The following GRAMD1B variants were observed in gnomAD, a reference collection of about 807,000 sequenced individuals.
GRAMD1B encodes protein Aster-B.
GRAMD1B carries 37 observed loss-of-function variants against 99.7 expected under a neutral mutation model. The ratio of observed to expected loss-of-function variants is 0.37; its 90% confidence interval spans 0.29 to 0.49. The LOEUF is 0.49. Ranked by LOEUF, GRAMD1B falls within the 20% of genes least tolerant of loss-of-function variation. The probability of loss-of-function intolerance (pLI) is 0.98; values close to 1 mark genes in which losing one functional copy is unlikely to be tolerated. For synonymous variants in GRAMD1B, 427 were observed against 387.6 expected, an observed-to-expected ratio of 1.10 and a Z score of -1.19; for missense variants, 888 against 1,009.2, an observed-to-expected ratio of 0.88 and a Z score of 1.63.
chr11:123,613,896 A>G (rs186893389), intron 16 of GRAMD1B, among the ~76,000 whole-genome samples: 2 of 152,322 alleles, frequency 1.3e-5, no homozygotes, highest in African/African-American at 4.8e-5. Context: ...CTTAGTGTTT[A>G]TGCTTTCGTG....
chr11:123,583,250 T>A (rs1350870955), intron 3 of GRAMD1B, among the ~76,000 whole-genome samples: 1 of 150,812 alleles, frequency 6.6e-6, no homozygotes, highest in South Asian at 2.1e-4. Context: ...TCTGTGTGAA[T>A]GTGTGTGCAC....
At chr11:123,420,970 T>C (rs1164347111) in intron 1 of GRAMD1B, among the ~76,000 whole-genome samples, 3 of 152,252 alleles carry the variant, frequency 2.0e-5, no homozygotes, top group Non-Finnish European at 4.4e-5. Flanking sequence ...TTCTAATCTA[T>C]ACCTGACTGA....
At chr11:123,456,737 T>C (rs571008385) in intron 1 of GRAMD1B, among the ~76,000 whole-genome samples, 75 of 151,860 alleles carry the variant, frequency 4.9e-4, no homozygotes, top group African/African-American at 1.7e-3. Flanking sequence ...CTGGTCAAAA[T>C]GATGAAACTC....
At chr11:123,619,480 G>A in intron 19 of GRAMD1B, 1 of 1,272,440 alleles carries the variant, frequency 7.9e-7, no homozygotes, top group Non-Finnish European at 1.0e-6. Flanking sequence ...AGTTTAGGTG[G>A]AAGGAGAACT....
chr11:123,599,201 GA>G (rs1951652380), intron 7 of GRAMD1B: 2 of 766,712 alleles, frequency 2.6e-6, no homozygotes, highest in Non-Finnish European at 4.9e-6. Context: ...GTCTGTTACA[GA>G]AATCAGAAAA....
At chr11:123,546,165 A>G (rs914730140) in intron 2 of GRAMD1B, among the ~76,000 whole-genome samples, 12 of 152,290 alleles carry the variant, frequency 7.9e-5, no homozygotes, top group Non-Finnish European at 1.6e-4. Flanking sequence ...CCCACGCCCA[A>G]ATTGGTCCCC....
At chr11:123,401,183 G>C (rs188661681) in intron 1 of GRAMD1B, among the ~76,000 whole-genome samples, 2 of 152,346 alleles carry the variant, frequency 1.3e-5, no homozygotes, top group African/African-American at 2.4e-5. Flanking sequence ...TGATGAAATT[G>C]TTTCAACAGT....
At chr11:123,574,195 T>C (rs763214626) in intron 2 of GRAMD1B, among the ~76,000 whole-genome samples, 1 of 151,966 alleles carries the variant, frequency 6.6e-6, no homozygotes, top group South Asian at 2.1e-4. Flanking sequence ...AAAGAGCATG[T>C]ATATTAAGGG....
intron 4 of GRAMD1B, among the ~76,000 whole-genome samples, chr11:123,592,960 G>A (rs377264735): frequency 3.3e-5 from 5 of 151,596 alleles, no homozygotes; most frequent in Non-Finnish European, 7.4e-5. Flanking sequence ...GGTCGGGCGC[G>A]GTGGCTCACT....
At chr11:123,413,835 G>A (rs193095046) in intron 1 of GRAMD1B, among the ~76,000 whole-genome samples, 1 of 152,176 alleles carries the variant, frequency 6.6e-6, no homozygotes, top group African/African-American at 2.4e-5. Context: ...TAGCCCTTGC[G>A]CAAGAATGAC....
chr11:123,576,665 G>A (rs1344233936), intron 2 of GRAMD1B, among the ~76,000 whole-genome samples: 1 of 152,220 alleles, frequency 6.6e-6, no homozygotes, highest in Non-Finnish European at 1.5e-5. Context: ...AACTTCGGCT[G>A]TGTGCATCTT....
At chr11:123,595,141 G>A (rs1209450223) in intron 6 of GRAMD1B, among the ~76,000 whole-genome samples, 12 of 152,146 alleles carry the variant, frequency 7.9e-5, no homozygotes, top group Non-Finnish European at 1.5e-4. Context: ...CAAGTAGAAA[G>A]GGCTTTGGCC....
At chr11:123,599,630 G>T (rs1449838302) in intron 7 of GRAMD1B, among the ~76,000 whole-genome samples, 2 of 152,116 alleles carry the variant, frequency 1.3e-5, no homozygotes, top group African/African-American at 4.8e-5. Context: ...TCACCACCAC[G>T]CCTGGCTAAT....
intron 7 of GRAMD1B, 28 bp downstream of exon 7, chr11:123,596,065 T>C (rs1447704160): frequency 1.7e-6 from 2 of 1,194,122 alleles, no homozygotes; most frequent in Non-Finnish European, 2.5e-6. Flanking sequence ...CTGGCCTTTC[T>C]AATCCTCCCT....
chr11:123,568,628 T>TA (rs1267739931), intron 2 of GRAMD1B, among the ~76,000 whole-genome samples: 14 of 152,332 alleles, frequency 9.2e-5, no homozygotes, highest in African/African-American at 2.9e-4. Context: ...AGAAAGGCGT[T>TA]AGCTTGGGAG....
In GRAMD1B at chr11:123,430,877, G is replaced by C; in HGVS notation, c.85G>C (p.Val29Leu). Residue 29 changes from valine (V) to leucine (L), a missense_variant, in exon 1 of 20, where the codon GTC (valine) becomes CTC (leucine). Physicochemically the swap from Val to Leu is conservative, Grantham distance 32 (BLOSUM62 1). Coordinates refer to ENST00000635736, the MANE Select transcript of GRAMD1B (RefSeq NM_001387025.1). ...GCAGGGTGCGCCCGAGGGCAGCCCG[G>C]TCTGGTCCAGTTCGTCGACCCCCAC... is the stretch of plus-strand genomic sequence containing the variant. ...EPQGAPEGSP[V>L]WSSSSTPTLR... The C allele has an allele frequency of 1.4e-6, 1 of 702,376 alleles. No individual in the cohort carries two copies. The highest frequency in any genetic ancestry group is 2.6e-6 in the Non-Finnish European group (1 of 384,772). 43.5% of individuals were successfully genotyped at this position (702,376 alleles called of 1,614,324 possible). A position where few individuals can be genotyped will look rare whatever the true frequency, so the allele number is the denominator to read the frequency against.
intron 1 of GRAMD1B, among the ~76,000 whole-genome samples, chr11:123,448,462 C>T (rs550596080): frequency 3.3e-5 from 5 of 152,304 alleles, no homozygotes; most frequent in South Asian, 2.1e-4. Flanking sequence ...TCAAGCAATT[C>T]GCCCGCCTTG....
In GRAMD1B at chr11:123,600,460, C is replaced by A; in HGVS notation, c.970-8C>A. 1 of 1,573,770 alleles carries A rather than the reference C, an allele frequency of 6.4e-7. No homozygotes were observed. The highest frequency in any genetic ancestry group is 8.7e-7 in the Non-Finnish European group (1 of 1,145,982). ...AGATATTTATTGTTATTTTCTTTTC[C>A]AATCTAGCACTTCTTCACTTCGTTT... On this transcript the variant is annotated splice_region_variant and splice_polypyrimidine_tract_variant and intron_variant, in intron 7 of 19. Transcript: ENST00000635736.
intron 19 of GRAMD1B, chr11:123,619,485 A>G: frequency 7.9e-7 from 1 of 1,261,052 alleles, no homozygotes; most frequent in South Asian, 1.5e-5. Context: ...AGGTGGAAGG[A>G]GAACTCTTTT....
Sources: allele counts gnomAD v4.1 joint callset (sites outside exome capture counted in the v4.1 genomes callset), GRCh38; gene constraint gnomAD v4.1.1; transcripts MANE v1.5; gene names NCBI Gene and HGNC (gene_info 2026-07-23, HGNC 2026-07-21).